GLMN: variants seen among roughly 807,000 people sequenced by gnomAD.
GLMN encodes glomulin, FKBP associated protein.
In GLMN, 75 loss-of-function variants were observed where a neutral mutation model predicts 87.8. The ratio of observed to expected loss-of-function variants is 0.85; its 90% confidence interval spans 0.71 to 1.04. The LOEUF is 1.04. Among genes scored for constraint, GLMN ranks in the 50% least tolerant of loss-of-function variants. The pLI is 0.00. For synonymous variants in GLMN, 206 were observed against 221.6 expected, an observed-to-expected ratio of 0.93 and a Z score of 0.63; for missense variants, 588 against 658.8, an observed-to-expected ratio of 0.89 and a Z score of 1.18.
the GLMN span, chr1:92,323,825 A>G: frequency 6.2e-7 from 1 of 1,614,124 alleles, no homozygotes. Flanking sequence ...AGTTCTTCAA[A>G]TAGCACTTTG....
chr1:92,362,544 T>C, the GLMN span, among the ~76,000 whole-genome samples: 4 of 152,158 alleles, frequency 2.6e-5, no homozygotes, highest in African/African-American at 9.7e-5. Flanking sequence ...TCAAGTATAA[T>C]CTGCCTTAAA....
At chr1:92,370,142 C>A in the GLMN span, among the ~76,000 whole-genome samples, 1 of 152,222 alleles carries the variant, frequency 6.6e-6, no homozygotes, top group Non-Finnish European at 1.5e-5. Context: ...GCATCAGCCT[C>A]CCAAAGTGCT....
upstream of GLMN, among the ~76,000 whole-genome samples, chr1:92,303,346 C>T (rs1029278148): frequency 9.2e-5 from 14 of 152,146 alleles, no homozygotes; most frequent in African/African-American, 2.7e-4. Context: ...GTATTTCTGT[C>T]TCTGTGAAAA....
chr1:92,333,938 A>G, the GLMN span, among the ~76,000 whole-genome samples: 1 of 152,214 alleles, frequency 6.6e-6, no homozygotes, highest in East Asian at 1.9e-4. Context: ...TCAACGTTGC[A>G]CTTTAGCTTT....
At position 92,298,002 on chromosome 1, in the gene GLMN, T is replaced by C. The variant is rs1315984018; in HGVS notation, c.-3A>G. ...GACTGAAGTTCCTCTACAGCCATTCTTATTTCTCCTAGTTTCGATGCTAAA... is the reference window on the plus strand; with the variant it reads ...GACTGAAGTTCCTCTACAGCCATTCCTATTTCTCCTAGTTTCGATGCTAAA... On this transcript the variant is annotated 5_prime_UTR_variant, in exon 2 of 19. Coordinates refer to ENST00000370360, the MANE Select transcript of GLMN (RefSeq NM_053274.3). 6.7e-7 allele frequency: 1 copy of C among 1,490,672 alleles called. No homozygotes were observed. The highest frequency in any genetic ancestry group is 1.7e-5 in the Admixed American group (1 of 59,802). 92.3% of individuals were successfully genotyped at this position (1,490,672 alleles called of 1,614,324 possible). A position where few individuals can be genotyped will look rare whatever the true frequency, so the allele number is the denominator to read the frequency against.
At chr1:92,360,274 CTG>C in the GLMN span, among the ~76,000 whole-genome samples, 1 of 152,176 alleles carries the variant, frequency 6.6e-6, no homozygotes, top group Non-Finnish European at 1.5e-5. Context: ...GGACTAAGGA[CTG>C]TGGTCCTGGC....
the GLMN span, among the ~76,000 whole-genome samples, chr1:92,354,719 A>G: frequency 6.6e-6 from 1 of 152,024 alleles, no homozygotes; most frequent in Admixed American, 6.6e-5. Context: ...TAGTTCTGAA[A>G]TGGAAAGTTC....
In GLMN at chr1:92,298,966, C is replaced by T. The variant is rs1025809795; in HGVS notation, c.-72G>A. ...CTCTCCCAGCCGCCGCCACCTCCTCCGGCGTCTTAGCCCGCTCTTCTGGCC... is the reference window on the plus strand; with the variant it reads ...CTCTCCCAGCCGCCGCCACCTCCTCTGGCGTCTTAGCCCGCTCTTCTGGCC... On this transcript the variant is annotated 5_prime_UTR_variant, in exon 1 of 19. Coordinates refer to ENST00000370360, the MANE Select transcript of GLMN (RefSeq NM_053274.3). 1 of 510,834 alleles carries T rather than the reference C, an allele frequency of 2.0e-6. No individual in the cohort carries two copies. The highest frequency in any genetic ancestry group is 3.5e-6 in the Non-Finnish European group (1 of 288,720). 31.6% of individuals were successfully genotyped at this position (510,834 alleles called of 1,614,324 possible). A position where few individuals can be genotyped will look rare whatever the true frequency, so the allele number is the denominator to read the frequency against.
At chr1:92,285,119 T>A (rs977611424) in intron 7 of GLMN, among the ~76,000 whole-genome samples, 7 of 152,194 alleles carry the variant, frequency 4.6e-5, no homozygotes, top group Non-Finnish European at 1.0e-4. Context: ...ACTGGGTATA[T>A]ACCCAAAGGA....
At chr1:92,351,305 CAAAA>C in the GLMN span, among the ~76,000 whole-genome samples, 2 of 86,836 alleles carry the variant, frequency 2.3e-5, no homozygotes, top group African/African-American at 8.4e-5. Flanking sequence ...GACTCTGTCT[CAAAA>C]AAAAAAAAAA....
intron 3 of GLMN, among the ~76,000 whole-genome samples, chr1:92,295,834 A>C (rs1292063403): frequency 6.6e-6 from 1 of 152,262 alleles, no homozygotes; most frequent in African/African-American, 2.4e-5. Flanking sequence ...GTAAAGGACT[A>C]AAGACAGCAT....
rs1649401480 is a variant in GLMN at position 92,291,482 on chromosome 1, A to C, written c.221T>G (p.Leu74Trp). The change falls in exon 4 of 19, where the codon TTG (leucine) becomes TGG (tryptophan). Residue 74 changes from leucine (L) to tryptophan (W), a missense_variant. By Grantham distance (61) the Leu-to-Trp change is moderately conservative (BLOSUM62 -2). Transcript: ENST00000370360. The part of the protein sequence containing the change: ...NLVGPVVRCL[L>W]CKDKEDSKRK... ...TTTACTATCCTCTTTATCTTTACAC[A>C]AAAGGCATCGAACAACAGGACCAAC... 6.2e-7 allele frequency: 1 copy of C among 1,608,342 alleles called. No homozygotes were observed. The highest frequency in any genetic ancestry group is 8.5e-7 in the Non-Finnish European group (1 of 1,174,852).
intron 4 of GLMN, 128 bp downstream of exon 4, chr1:92,291,290 T>G (rs1649371238): frequency 1.2e-6 from 1 of 824,192 alleles, no homozygotes. Flanking sequence ...GGGTCTTTTC[T>G]CCAACGAGTT....
At chr1:92,328,553 T>C in the GLMN span, among the ~76,000 whole-genome samples, 1 of 152,216 alleles carries the variant, frequency 6.6e-6, no homozygotes, top group Non-Finnish European at 1.5e-5. Context: ...TCATATCCTG[T>C]ATGATTTGTT....
At chr1:92,352,420 GT>G in the GLMN span, among the ~76,000 whole-genome samples, 2 of 148,420 alleles carry the variant, frequency 1.3e-5, no homozygotes, top group African/African-American at 5.0e-5. Flanking sequence ...ATGGAAAGAT[GT>G]GAGTAAGGCT....
chr1:92,286,482 G>A lies in GLMN; in HGVS notation c.735+8C>T. The A allele has an allele frequency of 7.8e-7, 1 of 1,280,026 alleles. No individual in the cohort carries two copies. Among genetic ancestry groups the A allele is most frequent in the Non-Finnish European group, 1.1e-6 (1 of 875,548 alleles). 79.3% of individuals were successfully genotyped at this position (1,280,026 alleles called of 1,614,324 possible). ...AAGATTATAGCAGATTAAATTAGCT[G>A]TACTTACTATTATTTCTGATGCAAA... is the stretch of plus-strand genomic sequence containing the variant. On this transcript the variant is annotated splice_region_variant and intron_variant, in intron 7 of 18. Transcript: ENST00000370360.
At position 92,263,744 on chromosome 1, in the gene GLMN, AC is replaced by A; in HGVS notation, c.1300-13del. 7.7e-7 allele frequency: 1 copy of A among 1,296,718 alleles called. No homozygotes were observed. The allele number at this position is 1,296,718 out of a possible 1,614,324, so 80.3% of individuals were successfully genotyped here. A position where few individuals can be genotyped will look rare whatever the true frequency, so the allele number is the denominator to read the frequency against. On this transcript the variant is annotated splice_polypyrimidine_tract_variant and intron_variant, in intron 14 of 18. Coordinates refer to ENST00000370360, the MANE Select transcript of GLMN (RefSeq NM_053274.3). ...TTGTTACGTGTTCTCTGAAAAGCAA[AC>A]GAAAAATTGAGAAAGCTTTATAATT...
chr1:92,281,720 G>A (rs1648078666), intron 7 of GLMN, among the ~76,000 whole-genome samples: 2 of 151,764 alleles, frequency 1.3e-5, no homozygotes, highest in African/African-American at 2.4e-5. Context: ...GTATTCAGGA[G>A]ACCCATCTCA....
intron 16 of GLMN, among the ~76,000 whole-genome samples, chr1:92,258,161 A>T (rs542167070): frequency 6.6e-6 from 1 of 152,368 alleles, no homozygotes; most frequent in South Asian, 2.1e-4. Flanking sequence ...AAAAAAGCTC[A>T]TCACTGGTCA....
Sources: allele counts gnomAD v4.1 joint callset (sites outside exome capture counted in the v4.1 genomes callset), GRCh38; gene constraint gnomAD v4.1.1; transcripts MANE v1.5; gene names NCBI Gene and HGNC (gene_info 2026-07-23, HGNC 2026-07-21).